Variants in CARM1 observed in about 807,000 individuals in gnomAD.
CARM1 encodes the protein histone-arginine methyltransferase CARM1.
A neutral mutation model predicts 72.7 loss-of-function variants in CARM1; 14 were observed. That is an observed-to-expected ratio of 0.19 (90% confidence interval 0.13 to 0.30). The LOEUF (loss-of-function observed/expected upper bound fraction) is 0.30, where lower values mean the gene tolerates loss of function less well. CARM1 is among the 10% of genes least tolerant of loss of function. The pLI is 1.00. For missense variants in CARM1, 432 were observed against 833.7 expected (o/e 0.52, Z 5.93); for synonymous variants, 333 against 345.5 (o/e 0.96, Z 0.40).
At chr19:10,875,646 C>A (rs150771768) in intron 1 of CARM1, among the ~76,000 whole-genome samples, 22 of 151,962 alleles carry the variant, frequency 1.4e-4, no homozygotes, top group Admixed American at 7.2e-4. Flanking sequence ...GGATGGTCTC[C>A]ATCTCCTGAC....
At chr19:10,890,799 T>A (rs867753135) in intron 1 of CARM1, among the ~76,000 whole-genome samples, 356 of 120,064 alleles carry the variant, frequency 3.0e-3, no homozygotes, top group South Asian at 4.1e-3. Flanking sequence ...ATATATATTT[T>A]TTTTTTTTTT....
chr19:10,873,530 A>G (rs1158569261), intron 1 of CARM1, among the ~76,000 whole-genome samples: 1 of 151,172 alleles, frequency 6.6e-6, no homozygotes, highest in Non-Finnish European at 1.5e-5. Context: ...CAGAGGTTGC[A>G]ATGAGCTGAG....
chr19:10,908,894 A>C, intron 3 of CARM1: 1 of 480,236 alleles, frequency 2.1e-6, no homozygotes. Context: ...CATCGGCTGC[A>C]GTGATAGTGG....
Position 10,917,781 on chromosome 19 carries a change from G to T in CARM1, c.1020+1004G>T, listed in dbSNP as rs2074210248. ...TGCCCAGGCTGGAGTGCTGTGGCAT[G>T]ATGTCAGCTCACTGCAACCTCCACT... On this transcript the variant is annotated intron_variant, in intron 8 of 15. Coordinates refer to ENST00000327064, the MANE Select transcript of CARM1 (RefSeq NM_199141.2). Among the ~76,000 whole-genome samples the T allele has an allele frequency of 2.8e-5, 4 of 142,556 alleles. No homozygotes were observed. In the South Asian group the frequency reaches 8.9e-4, roughly 32 times the overall value. The allele number at this position is 142,556 out of a possible 152,430, so 93.5% of individuals were successfully genotyped here.
intron 1 of CARM1, among the ~76,000 whole-genome samples, chr19:10,876,563 A>C (rs931719206): frequency 8.5e-5 from 13 of 152,246 alleles, no homozygotes; most frequent in Admixed American, 2.0e-4. Flanking sequence ...GGGAAGGATG[A>C]CAGCTGCAGA....
chr19:10,873,881 C>T (rs1324397889), intron 1 of CARM1, among the ~76,000 whole-genome samples: 1 of 151,862 alleles, frequency 6.6e-6, no homozygotes, highest in African/African-American at 2.4e-5. Context: ...CCTCGTGATC[C>T]ACCCGCCTTG....
Position 10,920,058 on chromosome 19 carries a change from A to G in CARM1, c.1196+92A>G. The G allele has an allele frequency of 1.1e-6, 1 of 949,304 alleles. No individual in the cohort carries two copies. Among genetic ancestry groups the G allele is most frequent in the Non-Finnish European group, 1.7e-6 (1 of 596,470 alleles). The allele number at this position is 949,304 out of a possible 1,614,324, so 58.8% of individuals were successfully genotyped here. On this transcript the variant is annotated intron_variant, in intron 10 of 15. Transcript: ENST00000327064. The surrounding 1 kb of genome is among the most constrained non-coding windows in gnomAD (Gnocchi z 5.3). ...GGCTGGGGGGGTGGAACATGGCTCCAGGTTCCACCATCCCTTCCAATGGGA... is the reference window on the plus strand; with the variant it reads ...GGCTGGGGGGGTGGAACATGGCTCCGGGTTCCACCATCCCTTCCAATGGGA...
Position 10,904,976 on chromosome 19 carries a change from C to T in CARM1, c.246C>T (p.Cys82=), listed in dbSNP as rs2074092226. The change falls in exon 2 of 16, where the codon TGC becomes TGT. Residue 82 remains cysteine (C), a synonymous_variant. Coordinates refer to ENST00000327064, the MANE Select transcript of CARM1 (RefSeq NM_199141.2). ...ATGAAGATGTGTGTGTCTTTAAGTGCTCAGTGTCCCGAGAGACAGAGTGCA... is the reference window on the plus strand; with the variant it reads ...ATGAAGATGTGTGTGTCTTTAAGTGTTCAGTGTCCCGAGAGACAGAGTGCA... The part of the protein sequence containing the change: ...YSHEDVCVFK[C]SVSRETECSR... 1.9e-6 allele frequency: 3 copies of T among 1,614,208 alleles called. No individual in the cohort carries two copies. Among genetic ancestry groups the T allele is most frequent in the Non-Finnish European group, 2.5e-6 (3 of 1,180,032 alleles).
intron 3 of CARM1, 46 bp downstream of exon 3, chr19:10,908,191 C>G: frequency 7.8e-7 from 1 of 1,288,746 alleles, no homozygotes; most frequent in Non-Finnish European, 1.1e-6. Context: ...CCCGGCAGCC[C>G]CCCTGCCACT....
intron 1 of CARM1, among the ~76,000 whole-genome samples, chr19:10,894,115 G>T (rs939529858): frequency 3.3e-5 from 5 of 152,220 alleles, no homozygotes; most frequent in Non-Finnish European, 5.9e-5. Flanking sequence ...TCCCGAGTCT[G>T]CCTGGAATCT....
intron 1 of CARM1, among the ~76,000 whole-genome samples, chr19:10,903,921 C>A (rs2074084256): frequency 6.6e-6 from 1 of 152,158 alleles, no homozygotes; most frequent in African/African-American, 2.4e-5. Context: ...CCAGGCTGAT[C>A]TCCAGCTCCT....
chr19:10,911,152 A>G (rs111937736), intron 4 of CARM1, among the ~76,000 whole-genome samples: 1 of 152,112 alleles, frequency 6.6e-6, no homozygotes, highest in African/African-American at 2.4e-5. Flanking sequence ...CAGCCTCCCA[A>G]AGTGCTGAGA....
At chr19:10,918,773 C>G (rs561739991) in intron 8 of CARM1, among the ~76,000 whole-genome samples, 1 of 152,162 alleles carries the variant, frequency 6.6e-6, no homozygotes, top group Admixed American at 6.6e-5. Context: ...CGTTTTCTGC[C>G]CTCCCCATGG....
chr19:10,908,128 G>A lies in CARM1; in HGVS notation c.436G>A (p.Ala146Thr), dbSNP rs2074118277. Residue 146 changes from alanine (A) to threonine (T), a missense_variant, in exon 3 of 16, where the codon GCC becomes ACC. Coordinates refer to ENST00000327064, the MANE Select transcript of CARM1 (RefSeq NM_199141.2). ...VFSERTEESS[A>T]VQYFQFYGYL... ...CAGCGAGCGGACGGAGGAGTCTTCT[G>A]CCGTGCAGTACTTCCAGGTGGGTTG... The A allele has an allele frequency of 6.2e-7, 1 of 1,613,218 alleles. No individual in the cohort carries two copies. The highest frequency in any genetic ancestry group is 8.5e-7 in the Non-Finnish European group (1 of 1,179,210).
chr19:10,902,756 A>T (rs913874779), intron 1 of CARM1, among the ~76,000 whole-genome samples: 1 of 151,934 alleles, frequency 6.6e-6, no homozygotes, highest in Non-Finnish European at 1.5e-5. Context: ...CTACAGGCGC[A>T]TGCCACTACA....
At chr19:10,883,844 C>T (rs1043766053) in intron 1 of CARM1, among the ~76,000 whole-genome samples, 1 of 151,344 alleles carries the variant, frequency 6.6e-6, no homozygotes, top group African/African-American at 2.4e-5. Flanking sequence ...ATGGTGAAAC[C>T]CCATCTCTAC....
At chr19:10,895,792 C>T (rs961733550) in intron 1 of CARM1, among the ~76,000 whole-genome samples, 10 of 152,240 alleles carry the variant, frequency 6.6e-5, no homozygotes, top group Admixed American at 2.0e-4. Flanking sequence ...CCTGGATCTG[C>T]GCTTTGTGGG....
chr19:10,884,411 C>T (rs1489596583), intron 1 of CARM1, among the ~76,000 whole-genome samples: 1 of 151,904 alleles, frequency 6.6e-6, no homozygotes, highest in Non-Finnish European at 1.5e-5. Flanking sequence ...GTCTCAAACT[C>T]CTGGACATAA....
chr19:10,889,655 C>T (rs370757805), intron 1 of CARM1, among the ~76,000 whole-genome samples: 128 of 152,150 alleles, frequency 8.4e-4, no homozygotes, highest in African/African-American at 2.8e-3. Context: ...CTTCTGTAAT[C>T]CTACATTCTT....
Sources: allele counts gnomAD v4.1 joint callset (sites outside exome capture counted in the v4.1 genomes callset), GRCh38; gene constraint gnomAD v4.1.1; non-coding constraint Gnocchi (gnomAD v3.1); transcripts MANE v1.5; gene names NCBI Gene and HGNC (gene_info 2026-07-23, HGNC 2026-07-21).